The following NTRK3 variants were observed in gnomAD, a reference collection of about 807,000 sequenced individuals.
NTRK3 encodes neurotrophic receptor tyrosine kinase 3.
Under a neutral mutation model 91.7 loss-of-function variants are expected in NTRK3, and 24 were observed. The ratio of observed to expected loss-of-function variants is 0.26; its 90% CI spans 0.19 to 0.37. The LOEUF is 0.37. NTRK3 is among the 10% of genes least tolerant of loss of function. The pLI is 1.00. For missense variants in NTRK3, 880 were observed against 1,068.9 expected, an observed-to-expected ratio of 0.82 and a Z score of 2.46; for synonymous variants, 483 against 404.0, an observed-to-expected ratio of 1.20 and a Z score of -2.34.
chr15:87,959,483 G>C (rs1338206943), intron 14 of NTRK3, among the ~76,000 whole-genome samples: 1 of 152,326 alleles, frequency 6.6e-6, no homozygotes, highest in East Asian at 1.9e-4. Flanking sequence ...CTGAAACCAA[G>C]GCAGGCGTGC....
intron 13 of NTRK3, among the ~76,000 whole-genome samples, chr15:88,035,738 A>G (rs1426378030): frequency 6.6e-6 from 1 of 152,244 alleles, no homozygotes; most frequent in Non-Finnish European, 1.5e-5. Flanking sequence ...CCTGCAGGAA[A>G]CAGAGGCAAT....
At chr15:88,136,588 C>T (rs1221940346) in exon 8 of NTRK3, 2 of 1,613,224 alleles carry the variant, frequency 1.2e-6, no homozygotes, top group South Asian at 2.2e-5. Flanking sequence ...GTTGACGTGG[C>T]TCACGCTGAT....
At chr15:88,150,484 C>A (rs1386552062) in intron 5 of NTRK3, among the ~76,000 whole-genome samples, 1 of 152,148 alleles carries the variant, frequency 6.6e-6, no homozygotes, top group Non-Finnish European at 1.5e-5. Flanking sequence ...GAAGTGGGCT[C>A]CTACTCTCCC....
chr15:87,958,829 C>T (rs1000056673), intron 14 of NTRK3, among the ~76,000 whole-genome samples: 3 of 152,012 alleles, frequency 2.0e-5, no homozygotes, highest in African/African-American at 4.8e-5. Flanking sequence ...GGGACATGGT[C>T]GGCTAACCCA....
At position 87,973,889 on chromosome 15, in the gene NTRK3, G is replaced by A. The variant is rs149478045; in HGVS notation, c.1586-33136C>T. Among the ~76,000 whole-genome samples, 328 of 152,140 alleles carry A rather than the reference G, an allele frequency of 2.2e-3. 9 individuals are homozygous for A. In the East Asian group the frequency reaches 0.048, roughly 22 times the overall value. ...TTGCTCTTGCTTTCAGAGTCATGCT[G>A]GCAGCAATGTGCGAGTCTAGCCAGA... On this transcript the variant is annotated intron_variant, in intron 14 of 18. Transcript: ENST00000394480.
At chr15:88,075,648 T>C (rs892682056) in intron 13 of NTRK3, among the ~76,000 whole-genome samples, 5 of 152,172 alleles carry the variant, frequency 3.3e-5, no homozygotes, top group Admixed American at 6.5e-5. Context: ...AGTCTCTCTC[T>C]CGAAGAGCAT....
At chr15:87,963,559 A>G (rs938219807) in intron 14 of NTRK3, among the ~76,000 whole-genome samples, 2 of 152,216 alleles carry the variant, frequency 1.3e-5, no homozygotes, top group Admixed American at 1.3e-4. Context: ...ATTACATGAG[A>G]TATTCAGTAC....
chr15:88,125,669 G>C (rs2053211567), intron 13 of NTRK3, among the ~76,000 whole-genome samples: 1 of 152,114 alleles, frequency 6.6e-6, no homozygotes, highest in Admixed American at 6.5e-5. Flanking sequence ...CCCGAGCCTT[G>C]GCAAAGAGCC....
At chr15:87,983,344 C>A (rs1484019346) in intron 14 of NTRK3, among the ~76,000 whole-genome samples, 1 of 152,180 alleles carries the variant, frequency 6.6e-6, no homozygotes, top group African/African-American at 2.4e-5. Flanking sequence ...CTTTCCACAA[C>A]TTTCCCACCT....
chr15:88,216,146 GCCA>G (rs2049747005), intron 3 of NTRK3, among the ~76,000 whole-genome samples: 2 of 152,182 alleles, frequency 1.3e-5, no homozygotes, highest in East Asian at 3.9e-4. Flanking sequence ...TCCCATTTAA[GCCA>G]GGATTAAATA....
At chr15:88,043,035 A>G (rs2079806978) in intron 13 of NTRK3, among the ~76,000 whole-genome samples, 1 of 152,222 alleles carries the variant, frequency 6.6e-6, no homozygotes, top group Admixed American at 6.5e-5. Flanking sequence ...GGCTTTGTTT[A>G]GGAAAGAAGC....
At chr15:87,964,401 A>G (rs1452114712) in intron 14 of NTRK3, among the ~76,000 whole-genome samples, 2 of 150,788 alleles carry the variant, frequency 1.3e-5, no homozygotes, top group Non-Finnish European at 3.0e-5. Flanking sequence ...TTTACTATGT[A>G]TTATATACAA....
chr15:88,063,827 C>A (rs2046420340), intron 13 of NTRK3, among the ~76,000 whole-genome samples: 1 of 152,216 alleles, frequency 6.6e-6, no homozygotes, highest in Non-Finnish European at 1.5e-5. Context: ...GCCAAATAAC[C>A]TGGAGCTCAG....
chr15:88,165,007 T>A (rs74917367), intron 5 of NTRK3, among the ~76,000 whole-genome samples: 6 of 152,192 alleles, frequency 3.9e-5, no homozygotes, highest in Non-Finnish European at 7.3e-5. Context: ...ATTGAGTATA[T>A]GGACCCTAGA....
intron 13 of NTRK3, among the ~76,000 whole-genome samples, chr15:88,093,421 G>C (rs1054781849): frequency 6.6e-6 from 1 of 152,118 alleles, no homozygotes; most frequent in African/African-American, 2.4e-5. Flanking sequence ...ATTTACAGTA[G>C]ACCTGCTATG....
At position 88,041,228 on chromosome 15, in the gene NTRK3, A is replaced by G. The variant is rs191475663; in HGVS notation, c.1397-8183T>C. On this transcript the variant is annotated intron_variant, in intron 13 of 18. Coordinates refer to ENST00000394480, the Ensembl canonical transcript of NTRK3. ...CACATAAAATAGCTCTGGGCTGACA[A>G]GTCCAACAGATAGACTTAAATTGTA... Among the ~76,000 whole-genome samples the G allele has an allele frequency of 2.0e-4, 31 of 152,344 alleles. 1 individual carries two copies. In the East Asian group the frequency reaches 5.8e-3, roughly 28 times the overall value.
At chr15:88,151,028 T>G (rs2043325264) in intron 5 of NTRK3, among the ~76,000 whole-genome samples, 1 of 152,134 alleles carries the variant, frequency 6.6e-6, no homozygotes, top group African/African-American at 2.4e-5. Flanking sequence ...ACCCTGCCTC[T>G]GAGCCCCACG....
intron 14 of NTRK3, among the ~76,000 whole-genome samples, chr15:87,994,065 G>GCATA (rs1239230697): frequency 6.6e-6 from 1 of 152,142 alleles, no homozygotes; most frequent in Non-Finnish European, 1.5e-5. Flanking sequence ...CAAGAGAGAG[G>GCATA]CATACACCCA....
intron 17 of NTRK3, among the ~76,000 whole-genome samples, chr15:87,900,249 C>T (rs1237134204): frequency 6.6e-6 from 1 of 152,178 alleles, no homozygotes; most frequent in African/African-American, 2.4e-5. Flanking sequence ...TTTTAAGCAC[C>T]ATAGGTTTCT....
Sources: allele counts gnomAD v4.1 joint callset (sites outside exome capture counted in the v4.1 genomes callset), GRCh38; gene constraint gnomAD v4.1.1; transcripts MANE v1.5; gene names NCBI Gene and HGNC (gene_info 2026-07-23, HGNC 2026-07-21).